Variants in RREB1 observed in about 807,000 individuals in gnomAD.
The protein encoded by RREB1 is ras responsive element binding protein 1.
A neutral mutation model predicts 117.8 loss-of-function variants in RREB1; 27 were observed. That is an observed-to-expected ratio of 0.23 (90% CI 0.17 to 0.32). The LOEUF (loss-of-function observed/expected upper bound fraction) is 0.32. RREB1 is among the 10% of genes least tolerant of loss of function. The pLI is 1.00. For synonymous variants in RREB1, 1,298 were observed against 1,026.7 expected (o/e 1.26, Z -5.05); for missense variants, 2,577 against 2,378.2 (o/e 1.08, Z -1.74).
chr6:7,170,495 A>T (rs533843049), intron 1 of RREB1, among the ~76,000 whole-genome samples: 2 of 152,154 alleles, frequency 1.3e-5, no homozygotes, highest in Admixed American at 1.3e-4. Context: ...ACCTCCAAGG[A>T]GCTTTTCGGG....
At chr6:7,109,561 G>A (rs1761034550) in intron 1 of RREB1, among the ~76,000 whole-genome samples, 1 of 152,158 alleles carries the variant, frequency 6.6e-6, no homozygotes, top group South Asian at 2.1e-4. Context: ...CACGGGGTGC[G>A]GGCCCGGGCC....
At position 7,230,444 on chromosome 6, in the gene RREB1, G is replaced by C. The variant is rs773788976; in HGVS notation, c.2345G>C (p.Gly782Ala). 1.9e-6 allele frequency: 3 copies of C among 1,592,114 alleles called. No homozygotes were observed. Among genetic ancestry groups the C allele is most frequent in the Non-Finnish European group, 2.6e-6 (3 of 1,175,480 alleles). The change falls in exon 10 of 13, where the codon GGG becomes GCG. Residue 782 changes from glycine (G) to alanine (A), a missense_variant. Gly to Ala is a moderately conservative substitution (Grantham distance 60). Transcript: ENST00000379938. ...ACGCACTGCGGCCGCGGCCTGGGCG[G>C]GGGCCACAAGGGCCGCAAGCCCTTC... is the stretch of plus-strand genomic sequence containing the variant. ...MRTHCGRGLG[G>A]GHKGRKPFEC...
rs1411828938 is a variant in RREB1, at chr6:7,247,103, G to C, written c.4653G>C (p.Lys1551Asn). ...SEKSDDDKKP[K>N]TDSPKSVASK... The stretch of plus-strand genomic sequence containing the variant: ...AGAGCGACGATGACAAGAAACCAAA[G>C]ACAGACTCCCCCAAAAGCGTGGCCA... The change falls in exon 12 of 13, where the codon AAG (lysine) becomes AAC (asparagine). Residue 1551 changes from lysine (K) to asparagine (N), a missense_variant. Physicochemically the swap from Lys to Asn is moderately conservative, Grantham distance 94. Transcript: ENST00000379938. The C allele has an allele frequency of 1.2e-5, 20 of 1,613,778 alleles. No homozygotes were observed. Among genetic ancestry groups the C allele is most frequent in the Non-Finnish European group, 1.7e-5 (20 of 1,180,000 alleles).
intron 11 of RREB1, among the ~76,000 whole-genome samples, chr6:7,245,474 A>T (rs1768948786): frequency 6.6e-6 from 1 of 152,204 alleles, no homozygotes; most frequent in African/African-American, 2.4e-5. Context: ...GTACTGTCGT[A>T]ATGCATAATT....
At chr6:7,208,761 C>T (rs1336280114) in intron 6 of RREB1, among the ~76,000 whole-genome samples, 3 of 152,252 alleles carry the variant, frequency 2.0e-5, no homozygotes, top group Non-Finnish European at 4.4e-5. Context: ...TCCTCACCCT[C>T]TTCACTTTGG....
chr6:7,251,046 C>A lies in RREB1; in HGVS notation c.*2078C>A, dbSNP rs1374948779. 1 of 151,528 alleles carries A rather than the reference C, an allele frequency of 6.6e-6. No homozygotes were observed. Among genetic ancestry groups the A allele is most frequent in the East Asian group, 1.9e-4 (1 of 5,182 alleles). The allele number at this position is 151,528 out of a possible 1,614,324, so 9.4% of individuals were successfully genotyped here. A position where few individuals can be genotyped will look rare whatever the true frequency, so the allele number is the denominator to read the frequency against. The stretch of plus-strand genomic sequence containing the variant: ...TTATTTGGGGTTTCTTGTGTTTTTT[C>A]TTTGCGACTCTCCACACTAAACTTG... On this transcript the variant is annotated 3_prime_UTR_variant, in exon 13 of 13. Coordinates refer to ENST00000379938, the MANE Select transcript of RREB1 (RefSeq NM_001003699.4).
chr6:7,114,501 G>A (rs1316131070), intron 1 of RREB1, among the ~76,000 whole-genome samples: 1 of 151,288 alleles, frequency 6.6e-6, no homozygotes, highest in Non-Finnish European at 1.5e-5. Flanking sequence ...AGCTGCTACT[G>A]GCCTTTAGTG....
In RREB1 at chr6:7,247,045, G is replaced by A. The variant is rs1305426428; in HGVS notation, c.4595G>A (p.Gly1532Glu). 2 of 1,613,218 alleles carry A rather than the reference G, an allele frequency of 1.2e-6. No individual in the cohort carries two copies. The highest frequency in any genetic ancestry group is 8.5e-7 in the Non-Finnish European group (1 of 1,179,760). ...GAGGAGACGGAGGGCCCCTCCGACG[G>A]GGAGAGCGCGGCCGAGAAAAGGTCC... ...LAEETEGPSD[G>E]ESAAEKRSSE... The change falls in exon 12 of 13, where the codon GGG (glycine) becomes GAG (glutamate). Residue 1532 changes from glycine to glutamate, a missense_variant. Gly to Glu is a moderately conservative substitution (Grantham distance 98, BLOSUM62 -2). Transcript: ENST00000379938.
chr6:7,133,072 A>G (rs148430841), intron 1 of RREB1, among the ~76,000 whole-genome samples: 4 of 152,364 alleles, frequency 2.6e-5, no homozygotes, highest in African/African-American at 7.2e-5. Flanking sequence ...GCAAGATTTG[A>G]TTAAATGATA....
At chr6:7,138,283 A>G (rs1025511069) in intron 1 of RREB1, among the ~76,000 whole-genome samples, 1 of 152,182 alleles carries the variant, frequency 6.6e-6, no homozygotes, top group Non-Finnish European at 1.5e-5. Flanking sequence ...TGTCCAAATA[A>G]TTCAGTTGGG....
chr6:7,189,626 G>A (rs1191410283), intron 6 of RREB1, among the ~76,000 whole-genome samples: 1 of 152,038 alleles, frequency 6.6e-6, no homozygotes, highest in African/African-American at 2.4e-5. Context: ...TGTAAGAGAG[G>A]AACTCTCCAT....
chr6:7,124,227 C>T (rs1272696506), intron 1 of RREB1, among the ~76,000 whole-genome samples: 1 of 152,114 alleles, frequency 6.6e-6, no homozygotes, highest in Non-Finnish European at 1.5e-5. Context: ...TTTGTCCTTC[C>T]ATTCTGCCCT....
chr6:7,153,071 T>TGA (rs1438028028), intron 1 of RREB1, among the ~76,000 whole-genome samples: 8 of 151,590 alleles, frequency 5.3e-5, no homozygotes, highest in East Asian at 3.9e-4. Flanking sequence ...TGTGTGTGTG[T>TGA]GACAGTGAAG....
chr6:7,228,455 C>T (rs1321337778), intron 9 of RREB1, among the ~76,000 whole-genome samples: 1 of 148,040 alleles, frequency 6.8e-6, no homozygotes, highest in Non-Finnish European at 1.5e-5. Context: ...TGTGGATTTC[C>T]TTATTCAGTC....
chr6:7,120,453 C>G (rs1305724907), intron 1 of RREB1, among the ~76,000 whole-genome samples: 1 of 151,382 alleles, frequency 6.6e-6, no homozygotes, highest in African/African-American at 2.4e-5. Flanking sequence ...GACCCCTTCT[C>G]AAAAAGAAAA....
intron 1 of RREB1, among the ~76,000 whole-genome samples, chr6:7,170,491 A>G (rs1764156076): frequency 6.6e-6 from 1 of 152,168 alleles, no homozygotes; most frequent in South Asian, 2.1e-4. Context: ...AACCACCTCC[A>G]AGGAGCTTTT....
rs1445188151 is a variant in RREB1 at position 7,230,188 on chromosome 6, C to T, written c.2089C>T (p.Arg697Trp). The T allele has an allele frequency of 1.9e-6, 3 of 1,606,292 alleles. No homozygotes were observed. The highest frequency in any genetic ancestry group is 8.5e-7 in the Non-Finnish European group (1 of 1,179,902). ...IRHLRTHSGE[R>W]PYICKICHYP... The stretch of plus-strand genomic sequence containing the variant: ...CCACCTGCGCACGCACAGTGGGGAG[C>T]GGCCCTACATTTGCAAGATCTGCCA... Residue 697 changes from arginine to tryptophan, a missense_variant, in exon 10 of 13, where the codon CGG becomes TGG. Physicochemically the swap from Arg to Trp is moderately radical, Grantham distance 101. Coordinates refer to ENST00000379938, the MANE Select transcript of RREB1 (RefSeq NM_001003699.4).
At chr6:7,116,343 T>G (rs1370120667) in intron 1 of RREB1, among the ~76,000 whole-genome samples, 2 of 152,180 alleles carry the variant, frequency 1.3e-5, no homozygotes, top group Admixed American at 6.5e-5. Flanking sequence ...CAATAAAAAT[T>G]TTGTACTCTT....
chr6:7,128,645 C>T (rs1762030949), intron 1 of RREB1, among the ~76,000 whole-genome samples: 2 of 151,314 alleles, frequency 1.3e-5, no homozygotes, highest in African/African-American at 4.8e-5. Flanking sequence ...TACGGTGATA[C>T]CTGGAGAGTT....
Sources: allele counts gnomAD v4.1 joint callset (sites outside exome capture counted in the v4.1 genomes callset), GRCh38; gene constraint gnomAD v4.1.1; transcripts MANE v1.5; gene names NCBI Gene and HGNC (gene_info 2026-07-23, HGNC 2026-07-21).